OR9Q1: variants seen among roughly 807,000 people sequenced by gnomAD.
The protein encoded by OR9Q1 is olfactory receptor family 9 subfamily Q member 1, also known as olfactory receptor 9Q1.
For missense variants in OR9Q1, 374 were observed against 378.8 expected (o/e 0.99, Z 0.11); for synonymous variants, 153 against 148.6 (o/e 1.03, Z -0.22).
intron 2 of OR9Q1, among the ~76,000 whole-genome samples, chr11:58,170,590 A>G (rs1456718134): frequency 1.3e-5 from 2 of 152,102 alleles, no homozygotes; most frequent in African/African-American, 4.8e-5. Context: ...AGCTTCCATA[A>G]TTCCCATGTG....
chr11:58,127,010 G>T (rs528520654), intron 2 of OR9Q1, among the ~76,000 whole-genome samples: 1 of 152,182 alleles, frequency 6.6e-6, no homozygotes, highest in African/African-American at 2.4e-5. Flanking sequence ...GAGTGCAATG[G>T]CATGATCTTG....
intron 2 of OR9Q1, among the ~76,000 whole-genome samples, chr11:58,152,411 AC>A (rs1854362077): frequency 6.6e-6 from 1 of 152,228 alleles, no homozygotes; most frequent in Non-Finnish European, 1.5e-5. Flanking sequence ...CTATGATCTG[AC>A]AGCACTTGGG....
At chr11:58,033,239 C>G (rs1260418656) in intron 1 of OR9Q1, among the ~76,000 whole-genome samples, 1 of 152,194 alleles carries the variant, frequency 6.6e-6, no homozygotes, top group Non-Finnish European at 1.5e-5. Context: ...TTCAAGCCAG[C>G]AATCCCATTA....
At chr11:58,124,526 T>A (rs930995373) in intron 2 of OR9Q1, 2 of 152,212 alleles carry the variant, frequency 1.3e-5, no homozygotes, top group African/African-American at 4.8e-5. Context: ...ACAAAGTTAA[T>A]GTTTCTCACC....
intron 2 of OR9Q1, among the ~76,000 whole-genome samples, chr11:58,135,177 G>T (rs1854178296): frequency 6.6e-6 from 1 of 152,210 alleles, no homozygotes. Context: ...TTGAGACCAT[G>T]CTGGTTCTGC....
rs538636278 is a variant in OR9Q1, at chr11:58,034,286, A to C, written c.-93+10182A>C. Among the ~76,000 whole-genome samples the C allele has an allele frequency of 2.0e-5, 3 of 151,424 alleles. No homozygotes were observed. The East Asian group carries it at 5.8e-4, about 29-fold the overall frequency. The stretch of plus-strand genomic sequence containing the variant: ...ATATTTTTAGTAGAAATGAGGCTTC[A>C]CCGTATTAGCCAGGATGGTCTCGAT... On this transcript the variant is annotated intron_variant, in intron 1 of 2. Transcript: ENST00000335397.
At chr11:58,139,771 A>T (rs1448694332) in intron 2 of OR9Q1, among the ~76,000 whole-genome samples, 1 of 152,054 alleles carries the variant, frequency 6.6e-6, no homozygotes, top group Non-Finnish European at 1.5e-5. Flanking sequence ...TATAGCAGCA[A>T]GTTTTATAAT....
chr11:58,077,937 A>G (rs907295826), intron 2 of OR9Q1: 3 of 152,006 alleles, frequency 2.0e-5, no homozygotes, highest in Non-Finnish European at 2.9e-5. Flanking sequence ...TGGGCAGATC[A>G]TTTGAGGCCA....
chr11:58,104,496 A>G (rs1853821460), intron 2 of OR9Q1, among the ~76,000 whole-genome samples: 1 of 152,174 alleles, frequency 6.6e-6, no homozygotes, highest in South Asian at 2.1e-4. Context: ...GCTTTTGTAC[A>G]GGCAAAACAT....
chr11:58,135,521 A>G (rs1472817728), intron 2 of OR9Q1, among the ~76,000 whole-genome samples: 1 of 152,174 alleles, frequency 6.6e-6, no homozygotes, highest in African/African-American at 2.4e-5. Context: ...AGTCAGCACA[A>G]GCAGATGATA....
At chr11:58,123,535 C>T (rs544266616) in intron 2 of OR9Q1, among the ~76,000 whole-genome samples, 1 of 152,194 alleles carries the variant, frequency 6.6e-6, no homozygotes, top group Non-Finnish European at 1.5e-5. Context: ...CTGTTTCATA[C>T]ATTAGCTCTA....
chr11:58,054,808 C>T (rs910476371), intron 1 of OR9Q1, among the ~76,000 whole-genome samples: 14 of 152,160 alleles, frequency 9.2e-5, no homozygotes, highest in African/African-American at 2.9e-4. Context: ...CCTGAAGTCC[C>T]AGTTACTTGG....
chr11:58,122,890 T>C (rs2120144121), intron 2 of OR9Q1, among the ~76,000 whole-genome samples: 1 of 152,200 alleles, frequency 6.6e-6, no homozygotes, highest in South Asian at 2.1e-4. Flanking sequence ...GTACATGATA[T>C]TGTGACATAA....
intron 2 of OR9Q1, among the ~76,000 whole-genome samples, chr11:58,128,254 TAAAAA>T (rs56238213): frequency 7.9e-6 from 1 of 126,240 alleles, no homozygotes; most frequent in Non-Finnish European, 1.7e-5. Flanking sequence ...CAAGAAAAAC[TAAAAA>T]AAAAAAAAAA....
At chr11:58,130,612 C>A (rs778966410) in intron 2 of OR9Q1, among the ~76,000 whole-genome samples, 2 of 151,848 alleles carry the variant, frequency 1.3e-5, no homozygotes, top group Non-Finnish European at 2.9e-5. Flanking sequence ...GCCTACATGG[C>A]GAAACCCCAT....
chr11:58,117,748 A>G (rs936688125), intron 2 of OR9Q1: 3 of 152,186 alleles, frequency 2.0e-5, no homozygotes, highest in African/African-American at 7.2e-5. Context: ...GCAATGTACC[A>G]TGGCCTTCAG....
chr11:58,064,192 G>T (rs915915221), intron 2 of OR9Q1, among the ~76,000 whole-genome samples: 2 of 152,200 alleles, frequency 1.3e-5, no homozygotes, highest in Non-Finnish European at 2.9e-5. Context: ...ACCAACATGC[G>T]CATACACTGT....
chr11:58,143,701 G>C (rs985612960), intron 2 of OR9Q1, among the ~76,000 whole-genome samples: 2 of 152,052 alleles, frequency 1.3e-5, no homozygotes, highest in African/African-American at 4.8e-5. Context: ...GGCCTGTTGG[G>C]GAAGGGCTGT....
At chr11:58,141,599 T>A (rs1333106569) in intron 2 of OR9Q1, among the ~76,000 whole-genome samples, 2 of 152,232 alleles carry the variant, frequency 1.3e-5, no homozygotes, top group Non-Finnish European at 2.9e-5. Flanking sequence ...AGCTTTTTGA[T>A]GTGCTGCTGG....
Sources: allele counts gnomAD v4.1 joint callset (sites outside exome capture counted in the v4.1 genomes callset), GRCh38; gene constraint gnomAD v4.1.1; transcripts MANE v1.5; gene names NCBI Gene and HGNC (gene_info 2026-07-23, HGNC 2026-07-21).